The following CDH18 variants were observed in gnomAD, a reference collection of about 807,000 sequenced individuals.
CDH18 encodes cadherin 18, also known as cadherin-18.
A neutral mutation model predicts 67.9 loss-of-function variants in CDH18; 31 were observed. That is an observed-to-expected ratio of 0.46 (90% CI 0.34 to 0.62). CDH18 has a LOEUF of 0.62. Ranked by LOEUF, CDH18 falls within the 20% of genes least tolerant of loss-of-function variation. The probability of loss-of-function intolerance (pLI) is 0.01; values close to 1 mark genes in which losing one functional copy is unlikely to be tolerated. For missense variants in CDH18, 890 were observed against 975.5 expected, an observed-to-expected ratio of 0.91 and a Z score of 1.17; for synonymous variants, 362 against 347.2, an observed-to-expected ratio of 1.04 and a Z score of -0.48.
chr5:20,214,441 A>G (rs1019077218), intron 2 of CDH18, among the ~76,000 whole-genome samples: 1 of 152,086 alleles, frequency 6.6e-6, no homozygotes, highest in African/African-American at 2.4e-5. Flanking sequence ...TTCAAGCTAT[A>G]CTACAGGGCT....
chr5:19,475,815 T>C (rs1443495723), intron 12 of CDH18, among the ~76,000 whole-genome samples: 1 of 152,058 alleles, frequency 6.6e-6, no homozygotes, highest in Admixed American at 6.6e-5. Flanking sequence ...GAATGAATGG[T>C]TGTGAATCAA....
chr5:20,063,537 G>A (rs1183941937), intron 2 of CDH18, among the ~76,000 whole-genome samples: 1 of 151,930 alleles, frequency 6.6e-6, no homozygotes, highest in Admixed American at 6.6e-5. Flanking sequence ...GAGTCACATT[G>A]GGTATTGACA....
chr5:20,185,917 T>G (rs900027969), intron 2 of CDH18, among the ~76,000 whole-genome samples: 2 of 151,768 alleles, frequency 1.3e-5, no homozygotes, highest in African/African-American at 4.8e-5. Context: ...ATATACCAAG[T>G]TGGCACGCAA....
chr5:19,853,236 C>T (rs1006483407), intron 2 of CDH18, among the ~76,000 whole-genome samples: 1 of 152,082 alleles, frequency 6.6e-6, no homozygotes. Context: ...GCCACTTGTT[C>T]CCTATGCCCC....
intron 5 of CDH18, among the ~76,000 whole-genome samples, chr5:19,631,420 G>A (rs1752396454): frequency 6.6e-6 from 1 of 152,056 alleles, no homozygotes; most frequent in South Asian, 2.1e-4. Flanking sequence ...CTGTAGCAAT[G>A]TATTTACTTA....
At chr5:20,369,184 C>G (rs1210274979) in intron 1 of CDH18, among the ~76,000 whole-genome samples, 1 of 151,622 alleles carries the variant, frequency 6.6e-6, no homozygotes, top group Admixed American at 6.6e-5. Context: ...CTTTTAAACT[C>G]TAATGTAGGC....
intron 1 of CDH18, among the ~76,000 whole-genome samples, chr5:20,546,981 A>G (rs889155034): frequency 5.3e-5 from 8 of 152,154 alleles, no homozygotes; most frequent in African/African-American, 1.9e-4. Context: ...CTTGTGTTTG[A>G]TGGAAGATGG....
Position 20,336,716 on chromosome 5 carries a change from C to T in CDH18, c.-579-81211G>A, listed in dbSNP as rs139989092. Among the ~76,000 whole-genome samples the T allele has an allele frequency of 0.032, 1,614 of 50,384 alleles. 182 individuals are homozygous for T. The East Asian group carries it at 0.33, about 10-fold the overall frequency. 33.1% of individuals were successfully genotyped at this position (50,384 alleles called of 152,430 possible). A position where few individuals can be genotyped will look rare whatever the true frequency, so the allele number is the denominator to read the frequency against. ...CCAGCCTGGGCAACAGAGAGGGAGC[C>T]TCTGTCTCAAAAAAAAAAAAAAAAA... On this transcript the variant is annotated intron_variant, in intron 1 of 14. Coordinates refer to the CDH18 transcript ENST00000507958.
chr5:20,111,049 C>G (rs1013945568), intron 2 of CDH18, among the ~76,000 whole-genome samples: 2 of 152,026 alleles, frequency 1.3e-5, no homozygotes, highest in African/African-American at 4.8e-5. Flanking sequence ...AAATCTTTCT[C>G]GGCTATCAGT....
chr5:20,056,688 T>G (rs1277226106), intron 2 of CDH18, among the ~76,000 whole-genome samples: 2 of 133,442 alleles, frequency 1.5e-5, no homozygotes, highest in African/African-American at 2.8e-5. Context: ...CTCTTTTTTT[T>G]TTTTTTTTTT....
intron 5 of CDH18, among the ~76,000 whole-genome samples, chr5:19,702,827 G>C (rs889939766): frequency 1.2e-4 from 19 of 152,122 alleles, no homozygotes; most frequent in African/African-American, 4.6e-4. Context: ...ACTGAAGGTT[G>C]TTGGTTTACC....
chr5:19,564,349 G>A (rs1739991652), intron 8 of CDH18, among the ~76,000 whole-genome samples: 1 of 152,154 alleles, frequency 6.6e-6, no homozygotes, highest in Non-Finnish European at 1.5e-5. Context: ...AAGTGAGGAA[G>A]GAGTAAAAAG....
intron 9 of CDH18, among the ~76,000 whole-genome samples, chr5:19,524,261 TTATC>T (rs1441815454): frequency 1.3e-5 from 2 of 150,352 alleles, no homozygotes; most frequent in South Asian, 2.1e-4. Flanking sequence ...TAATAACTGA[TTATC>T]TACTTATAGT....
chr5:19,970,006 G>T (rs1416700772), intron 2 of CDH18, among the ~76,000 whole-genome samples: 4 of 151,910 alleles, frequency 2.6e-5, no homozygotes, highest in Non-Finnish European at 5.9e-5. Flanking sequence ...GGAAATAAAA[G>T]ACCCGATTAG....
At chr5:20,427,337 A>C (rs1748379336) in intron 1 of CDH18, among the ~76,000 whole-genome samples, 1 of 151,260 alleles carries the variant, frequency 6.6e-6, no homozygotes, top group Non-Finnish European at 1.5e-5. Flanking sequence ...CAAAGAAACA[A>C]ATATTTGAAG....
intron 1 of CDH18, among the ~76,000 whole-genome samples, chr5:20,286,018 A>AT (rs952051958): frequency 5.3e-5 from 8 of 151,374 alleles, no homozygotes; most frequent in Non-Finnish European, 8.9e-5. Flanking sequence ...ACAAAGGCTC[A>AT]TTTTTTTTAA....
intron 5 of CDH18, among the ~76,000 whole-genome samples, chr5:19,629,014 C>T (rs1752006886): frequency 6.6e-6 from 1 of 151,884 alleles, no homozygotes. Context: ...AATGCTGTTG[C>T]TAAGTAAAGT....
At chr5:19,560,143 C>G (rs1199915920) in intron 8 of CDH18, among the ~76,000 whole-genome samples, 1 of 150,058 alleles carries the variant, frequency 6.7e-6, no homozygotes, top group Non-Finnish European at 1.5e-5. Context: ...CATCATTCTT[C>G]ACAAAACTAG....
At chr5:19,678,745 G>A (rs780528720) in intron 5 of CDH18, among the ~76,000 whole-genome samples, 4 of 151,496 alleles carry the variant, frequency 2.6e-5, no homozygotes, top group African/African-American at 7.3e-5. Flanking sequence ...CCCAAGACTC[G>A]ACCAGGAAGA....
Sources: gnomAD v4.1 joint callset for allele counts (sites outside exome capture counted in the v4.1 genomes callset) on GRCh38, gnomAD v4.1.1 for gene constraint, MANE v1.5 for transcripts, NCBI Gene and HGNC (gene_info 2026-07-23, HGNC 2026-07-21) for gene names.